The following PIK3CD variants were observed in gnomAD, a reference collection of about 807,000 sequenced individuals.
PIK3CD encodes the protein phosphatidylinositol 4,5-bisphosphate 3-kinase catalytic subunit delta isoform.
In PIK3CD, 20 loss-of-function variants were observed where a neutral mutation model predicts 122.9. The observed-to-expected ratio is 0.16, with a 90% CI of 0.11 to 0.24. PIK3CD has a LOEUF of 0.24. Among genes scored for constraint, PIK3CD ranks in the 10% least tolerant of loss-of-function variants. The pLI is 1.00. For synonymous variants in PIK3CD, 596 were observed against 593.4 expected (o/e 1.00, Z -0.06); for missense variants, 787 against 1,406.3 (o/e 0.56, Z 7.04).
chr1:9,654,518 G>A, intron 1 of PIK3CD: 1 of 794,704 alleles, frequency 1.3e-6, no homozygotes. Context: ...CTGTCCGATG[G>A]AATTCATGGA....
At chr1:9,630,940 T>C in the PIK3CD span, among the ~76,000 whole-genome samples, 20 of 152,142 alleles carry the variant, frequency 1.3e-4, no homozygotes, top group African/African-American at 4.6e-4. Context: ...ATTCAGATGA[T>C]TGGTCATCCA....
chr1:9,713,795 G>A (rs1323250218), intron 3 of PIK3CD, among the ~76,000 whole-genome samples: 1 of 150,316 alleles, frequency 6.7e-6, no homozygotes, highest in African/African-American at 2.4e-5. Flanking sequence ...TTTTTGTAAC[G>A]GTGGACCTTG....
At chr1:9,662,908 C>T (rs7530311) in intron 1 of PIK3CD, among the ~76,000 whole-genome samples, 1 of 152,060 alleles carries the variant, frequency 6.6e-6, no homozygotes, top group Non-Finnish European at 1.5e-5. Context: ...AGGCTGATCT[C>T]GAACTCCTGA....
chr1:9,706,050 ATTTTTTTTTTTTT>A (rs140912843), intron 2 of PIK3CD, among the ~76,000 whole-genome samples: 11 of 85,188 alleles, frequency 1.3e-4, no homozygotes, highest in Non-Finnish European at 1.7e-4. Context: ...ATTTATTGGA[ATTTTTTTTTTTTT>A]TTTTTTTTTT....
At chr1:9,656,959 AAAAAT>A (rs1174600637) in intron 1 of PIK3CD, among the ~76,000 whole-genome samples, 3 of 140,474 alleles carry the variant, frequency 2.1e-5, no homozygotes, top group African/African-American at 5.4e-5. Flanking sequence ...AAAAAAAAAA[AAAAAT>A]GTATTCTCTC....
At chr1:9,713,175 A>C (rs973433188) in intron 3 of PIK3CD, among the ~76,000 whole-genome samples, 1 of 151,352 alleles carries the variant, frequency 6.6e-6, no homozygotes, top group African/African-American at 2.4e-5. Flanking sequence ...CAAGAGCGAA[A>C]CTCTGTCTCA....
chr1:9,661,665 A>G (rs1422405134), intron 1 of PIK3CD, among the ~76,000 whole-genome samples: 1 of 151,778 alleles, frequency 6.6e-6, no homozygotes, highest in African/African-American at 2.4e-5. Context: ...GTTTGAGACC[A>G]GCATGGCCAA....
chr1:9,678,773 T>A (rs1645635734), intron 1 of PIK3CD, among the ~76,000 whole-genome samples: 1 of 152,228 alleles, frequency 6.6e-6, no homozygotes, highest in Non-Finnish European at 1.5e-5. Flanking sequence ...AACCTGTTTC[T>A]ATTTTCTTTC....
At chr1:9,674,325 A>G (rs1645432087) in intron 1 of PIK3CD, among the ~76,000 whole-genome samples, 1 of 152,196 alleles carries the variant, frequency 6.6e-6, no homozygotes. Flanking sequence ...TCTGTATCTA[A>G]TAACAACAAA....
the PIK3CD span, among the ~76,000 whole-genome samples, chr1:9,631,523 G>A: frequency 1.3e-5 from 2 of 152,232 alleles, no homozygotes; most frequent in African/African-American, 2.4e-5. Context: ...GGGCATGGTG[G>A]CAGATGCCTG....
intron 1 of PIK3CD, among the ~76,000 whole-genome samples, chr1:9,670,654 C>G (rs1396279001): frequency 6.6e-6 from 1 of 152,098 alleles, no homozygotes; most frequent in Non-Finnish European, 1.5e-5. Flanking sequence ...TAATGAAACA[C>G]CTGGACCAAG....
chr1:9,724,653 G>T lies in PIK3CD; in HGVS notation c.2865-151G>T. On this transcript the variant is annotated intron_variant, in intron 22 of 23. Transcript: ENST00000377346. This position sits in a 1 kb window ranked among gnomAD's most constrained non-coding sequence, Gnocchi z 7.3. Reference sequence around the variant, plus strand: ...AGCAGGAGGCTGGCTGGGGCACGGGGGTCAGTTAGCAGAACTGGAGGCCTT... The same window carrying T: ...AGCAGGAGGCTGGCTGGGGCACGGGTGTCAGTTAGCAGAACTGGAGGCCTT... The T allele has an allele frequency of 8.8e-7, 1 of 1,140,682 alleles. No individual in the cohort carries two copies. The highest frequency in any genetic ancestry group is 1.3e-6 in the Non-Finnish European group (1 of 756,396). The allele number at this position is 1,140,682 out of a possible 1,614,324, so 70.7% of individuals were successfully genotyped here. A position where few individuals can be genotyped will look rare whatever the true frequency, so the allele number is the denominator to read the frequency against.
upstream of PIK3CD, among the ~76,000 whole-genome samples, chr1:9,648,787 A>C (rs1557582476): frequency 6.6e-6 from 1 of 152,234 alleles, no homozygotes; most frequent in Non-Finnish European, 1.5e-5. Flanking sequence ...AGAACACAGA[A>C]TCTGCAGCCT....
rs1235529597 is a variant in PIK3CD at position 9,723,825 on chromosome 1, G to A, written c.2595-144G>A. The A allele has an allele frequency of 2.7e-5, 21 of 774,678 alleles. No homozygotes were observed. The highest frequency in any genetic ancestry group is 1.0e-4 in the African/African-American group (6 of 58,290). The allele number at this position is 774,678 out of a possible 1,614,324, so 48.0% of individuals were successfully genotyped here. ...TGGCTCTGGAATAGCGTCTGCAAGCGATGTCCAGCATTGTGTCCTCCATGT... is the reference window on the plus strand; with the variant it reads ...TGGCTCTGGAATAGCGTCTGCAAGCAATGTCCAGCATTGTGTCCTCCATGT... On this transcript the variant is annotated intron_variant, in intron 20 of 23. Transcript: ENST00000377346. The surrounding 1 kb of genome is among the most constrained non-coding windows in gnomAD (Gnocchi z 4.9).
Position 9,722,601 on chromosome 1 carries a change from C to T in PIK3CD, c.2421C>T (p.Asp807=). The change falls in exon 19 of 24, where the codon GAC becomes GAT. Residue 807 remains aspartate (D), a synonymous_variant. Coordinates refer to ENST00000377346, the MANE Select transcript of PIK3CD (RefSeq NM_005026.5). The surrounding 1 kb of genome is among the most constrained non-coding windows in gnomAD (Gnocchi z 7.6). ...MDVLWKQEGL[D]LRMTPYGCLP... ...TCCTGTGGAAGCAGGAGGGGCTGGA[C>T]CTGAGGTGAGGACCCCCACCCCACA... 4 of 1,613,258 alleles carry T rather than the reference C, an allele frequency of 2.5e-6. No individual in the cohort carries two copies. Among genetic ancestry groups the T allele is most frequent in the Non-Finnish European group, 3.4e-6 (4 of 1,179,538 alleles).
At chr1:9,664,136 C>T (rs769873526) in intron 1 of PIK3CD, among the ~76,000 whole-genome samples, 8 of 151,322 alleles carry the variant, frequency 5.3e-5, no homozygotes, top group Middle Eastern at 3.4e-3. Flanking sequence ...GCAACCTCCA[C>T]CTCCCGGGTT....
intron 1 of PIK3CD, among the ~76,000 whole-genome samples, chr1:9,660,468 A>G (rs58784124): frequency 0.28 from 42,965 of 152,060 alleles, 6,690 homozygotes; most frequent in East Asian, 0.62. Flanking sequence ...AGTTTTCCAC[A>G]TTGCTTCATA....
At position 9,689,877 on chromosome 1, in the gene PIK3CD, T is replaced by TG. The variant is rs1349258632; in HGVS notation, c.-137-1584dup. On this transcript the variant is annotated intron_variant, in intron 1 of 23. Transcript: ENST00000377346. This position sits in a 1 kb window ranked among gnomAD's most constrained non-coding sequence, Gnocchi z 6.1. ...TCAGGGGTCCGGGGCCGTGGGGGCT[T>TG]GGGGGGCCGAGGCAGGGGGTTGCGT... Among the ~76,000 whole-genome samples the TG allele has an allele frequency of 1.3e-5, 2 of 150,392 alleles. No individual in the cohort carries two copies. The highest frequency in any genetic ancestry group is 3.0e-5 in the Non-Finnish European group (2 of 67,234).
Position 9,720,974 on chromosome 1 carries a change from C to A in PIK3CD, c.1689+65C>A, listed in dbSNP as rs1397478388. 2.3e-5 allele frequency: 35 copies of A among 1,515,922 alleles called. No homozygotes were observed. Among genetic ancestry groups the A allele is most frequent in the Non-Finnish European group, 2.9e-5 (32 of 1,122,432 alleles). 93.9% of individuals were successfully genotyped at this position (1,515,922 alleles called of 1,614,324 possible). A position where few individuals can be genotyped will look rare whatever the true frequency, so the allele number is the denominator to read the frequency against. On this transcript the variant is annotated intron_variant, in intron 13 of 23. Coordinates refer to ENST00000377346, the MANE Select transcript of PIK3CD (RefSeq NM_005026.5). The surrounding 1 kb of genome is among the most constrained non-coding windows in gnomAD (Gnocchi z 9.0). Reference sequence around the variant, plus strand: ...GACCACAGCCTCTGGCTACCCACCACCCTGACCCCGGCCAACCCCCACCCT... The same window carrying A: ...GACCACAGCCTCTGGCTACCCACCAACCTGACCCCGGCCAACCCCCACCCT...
Sources: allele counts gnomAD v4.1 joint callset (sites outside exome capture counted in the v4.1 genomes callset), GRCh38; gene constraint gnomAD v4.1.1; non-coding constraint Gnocchi (gnomAD v3.1); transcripts MANE v1.5; gene names NCBI Gene and HGNC (gene_info 2026-07-23, HGNC 2026-07-21).